Variants in ADGRL4 observed in about 807,000 individuals in gnomAD.
The protein encoded by ADGRL4 is EGF, latrophilin and seven transmembrane domain containing 1.
ADGRL4 carries 90 observed loss-of-function variants against 74.8 expected under a neutral mutation model. The ratio of observed to expected loss-of-function variants is 1.20; its 90% CI spans 1.02 to 1.43. ADGRL4 has a LOEUF of 1.43. ADGRL4 is among the 40% of genes most tolerant of loss of function. The probability of loss-of-function intolerance (pLI) is 0.00; values close to 1 mark genes in which losing one functional copy is unlikely to be tolerated. For synonymous variants in ADGRL4, 311 were observed against 279.2 expected, an observed-to-expected ratio of 1.11 and a Z score of -1.14; for missense variants, 881 against 814.3, an observed-to-expected ratio of 1.08 and a Z score of -1.00.
At chr1:79,004,921 C>G (rs1486600868) in intron 2 of ADGRL4, 149 bp downstream of exon 2, 3 of 560,992 alleles carry the variant, frequency 5.3e-6, no homozygotes, top group Non-Finnish European at 8.6e-6. Flanking sequence ...GTAAGTCAAA[C>G]TTACTGTTTA....
At chr1:79,000,136 TTCTA>T (rs1460646073) in intron 2 of ADGRL4, among the ~76,000 whole-genome samples, 2 of 152,182 alleles carry the variant, frequency 1.3e-5, no homozygotes, top group Non-Finnish European at 2.9e-5. Flanking sequence ...ACTTTTCTGG[TTCTA>T]AATATTCAAT....
rs558926319 is a variant in ADGRL4, at chr1:78,928,040, A to T, written c.878-949T>A. ...CTATCCCAGCCTTTGCTATAAACAG[A>T]TGAGGGCCTGAGGCAGGACTTGGAT... On this transcript the variant is annotated intron_variant, in intron 7 of 14. Coordinates refer to ENST00000370742, the MANE Select transcript of ADGRL4 (RefSeq NM_022159.4). 5.3e-5 allele frequency among the ~76,000 whole-genome samples: 8 copies of T among 150,436 alleles called. 1 individual carries two copies. Among genetic ancestry groups the T allele is most frequent in the African/African-American group, 1.8e-4 (7 of 39,804 alleles).
intron 12 of ADGRL4, among the ~76,000 whole-genome samples, chr1:78,905,158 C>T (rs1054360449): frequency 6.6e-6 from 1 of 151,962 alleles, no homozygotes; most frequent in Non-Finnish European, 1.5e-5. Flanking sequence ...AAAGTGATAT[C>T]AGCAAAATAA....
chr1:78,926,440 T>C (rs368219870), intron 8 of ADGRL4, among the ~76,000 whole-genome samples: 2 of 152,064 alleles, frequency 1.3e-5, no homozygotes, highest in South Asian at 2.1e-4. Flanking sequence ...AATTTCTTTA[T>C]GAAACATTGC....
At chr1:78,891,426 C>CT in intron 14 of ADGRL4, 98 bp downstream of exon 14, 1 of 1,347,590 alleles carries the variant, frequency 7.4e-7, no homozygotes, top group Non-Finnish European at 1.0e-6. Context: ...GCAATAAAGG[C>CT]AGAAGTCATA....
intron 2 of ADGRL4, among the ~76,000 whole-genome samples, chr1:78,966,434 C>T (rs1650057797): frequency 6.6e-6 from 1 of 152,178 alleles, no homozygotes; most frequent in African/African-American, 2.4e-5. Flanking sequence ...AGTCCTACAA[C>T]AGCTTTGGCG....
intron 12 of ADGRL4, among the ~76,000 whole-genome samples, chr1:78,908,119 G>A (rs1648684004): frequency 6.6e-6 from 1 of 151,956 alleles, no homozygotes; most frequent in Admixed American, 6.6e-5. Flanking sequence ...AACACTTATA[G>A]AGAAGTTTAA....
chr1:78,998,588 G>A (rs916852941), intron 2 of ADGRL4, among the ~76,000 whole-genome samples: 6 of 151,738 alleles, frequency 4.0e-5, no homozygotes, highest in Admixed American at 1.3e-4. Flanking sequence ...CAGGATGGTC[G>A]CTATCTCGAC....
At chr1:78,907,296 C>T (rs973895514) in intron 12 of ADGRL4, among the ~76,000 whole-genome samples, 2 of 151,838 alleles carry the variant, frequency 1.3e-5, no homozygotes, top group African/African-American at 4.8e-5. Context: ...ATCTTATGTC[C>T]GTGATGATTT....
intron 12 of ADGRL4, among the ~76,000 whole-genome samples, chr1:78,916,000 GATTAT>G (rs1648861937): frequency 6.6e-6 from 1 of 151,848 alleles, no homozygotes; most frequent in Non-Finnish European, 1.5e-5. Flanking sequence ...ACCTGGAAAT[GATTAT>G]CATACAGAGA....
chr1:78,982,369 A>G (rs985382406), intron 2 of ADGRL4, among the ~76,000 whole-genome samples: 1 of 152,052 alleles, frequency 6.6e-6, no homozygotes, highest in East Asian at 1.9e-4. Context: ...GATGTTTTTT[A>G]CTGTAAGTAC....
At chr1:78,950,473 T>C (rs911215080) in intron 2 of ADGRL4, among the ~76,000 whole-genome samples, 29 of 152,076 alleles carry the variant, frequency 1.9e-4, no homozygotes, top group African/African-American at 7.0e-4. Flanking sequence ...TATGATCGGA[T>C]TTGAGTTTCA....
At chr1:78,904,809 G>T (rs1448592639) in intron 12 of ADGRL4, among the ~76,000 whole-genome samples, 1 of 151,958 alleles carries the variant, frequency 6.6e-6, no homozygotes, top group Non-Finnish European at 1.5e-5. Context: ...TATCTCACAG[G>T]TTGTTTGTGT....
At chr1:78,943,694 A>T (rs1255968435) in intron 3 of ADGRL4, among the ~76,000 whole-genome samples, 1 of 152,206 alleles carries the variant, frequency 6.6e-6, no homozygotes, top group African/African-American at 2.4e-5. Flanking sequence ...TCTCTGTTCA[A>T]ATTCCCTGAG....
At chr1:78,938,394 A>G in intron 4 of ADGRL4, 115 bp from the exon 5 acceptor site, 1 of 690,244 alleles carries the variant, frequency 1.4e-6, no homozygotes. Flanking sequence ...TCTACACATA[A>G]ATAATATCAA....
chr1:78,964,065 C>A lies in ADGRL4; in HGVS notation c.173-17639G>T, dbSNP rs113975685. Among the ~76,000 whole-genome samples the A allele has an allele frequency of 2.0e-5, 3 of 152,138 alleles. 1 individual carries two copies. Among genetic ancestry groups the A allele is most frequent in the Admixed American group, 6.6e-5 (1 of 15,230 alleles). On this transcript the variant is annotated intron_variant, in intron 2 of 14. Coordinates refer to ENST00000370742, the MANE Select transcript of ADGRL4 (RefSeq NM_022159.4). ...GACGATTTAACTAACAGTTCAGAAC[C>A]TGGAAAAATACATGATGCCTTATTT... is the stretch of plus-strand genomic sequence containing the variant.
chr1:78,931,819 T>C (rs1649248219), intron 7 of ADGRL4, among the ~76,000 whole-genome samples: 1 of 150,682 alleles, frequency 6.6e-6, no homozygotes, highest in Non-Finnish European at 1.5e-5. Context: ...CCAATAAATA[T>C]CAAAACAGAC....
At chr1:78,914,289 T>C (rs1648823925) in intron 12 of ADGRL4, among the ~76,000 whole-genome samples, 1 of 151,946 alleles carries the variant, frequency 6.6e-6, no homozygotes, top group South Asian at 2.1e-4. Context: ...TATATTGTAA[T>C]TATATACTTT....
intron 2 of ADGRL4, among the ~76,000 whole-genome samples, chr1:78,952,758 G>T: frequency 6.6e-6 from 1 of 151,870 alleles, no homozygotes; most frequent in East Asian, 1.9e-4. Context: ...AGAATAAAAT[G>T]TTTGTGTTGG....
Sources: allele counts gnomAD v4.1 joint callset (sites outside exome capture counted in the v4.1 genomes callset), GRCh38; gene constraint gnomAD v4.1.1; transcripts MANE v1.5; gene names NCBI Gene and HGNC (gene_info 2026-07-23, HGNC 2026-07-21).